Variants in ANGPTL3 observed in about 807,000 individuals in gnomAD.
The protein encoded by ANGPTL3 is angiopoietin-related protein 3.
In ANGPTL3, 51 loss-of-function variants were observed where a neutral mutation model predicts 52.7. The observed-to-expected ratio is 0.97, with a 90% CI of 0.77 to 1.22. The LOEUF is 1.22. Among genes scored for constraint, ANGPTL3 ranks in the 50% most tolerant of loss-of-function variants. The pLI is 0.00. For synonymous variants in ANGPTL3, 185 were observed against 179.8 expected, an observed-to-expected ratio of 1.03 and a Z score of -0.23; for missense variants, 506 against 520.7, an observed-to-expected ratio of 0.97 and a Z score of 0.27.
At chr1:62,602,566 GA>G (rs1650310135) in intron 5 of ANGPTL3, among the ~76,000 whole-genome samples, 186 bp downstream of exon 5, 1 of 151,542 alleles carries the variant, frequency 6.6e-6, no homozygotes, top group African/African-American at 2.4e-5. Context: ...GTTATTATTT[GA>G]ATTATATTTA....
chr1:62,604,266 T>G (rs774559028), intron 6 of ANGPTL3, 31 bp downstream of exon 6: 7 of 1,609,200 alleles, frequency 4.3e-6, no homozygotes, highest in Non-Finnish European at 6.0e-6. Context: ...TACTTTATTT[T>G]CATATCTTCA....
At chr1:62,604,359 A>C (rs1650630716) in intron 6 of ANGPTL3, 124 bp downstream of exon 6, 1 of 1,201,540 alleles carries the variant, frequency 8.3e-7, no homozygotes, top group Non-Finnish European at 1.2e-6. Flanking sequence ...TTCTCTCTAG[A>C]CGAAAACCTC....
chr1:62,600,363 A>G (rs1649927175), intron 2 of ANGPTL3, among the ~76,000 whole-genome samples: 2 of 151,814 alleles, frequency 1.3e-5, no homozygotes, highest in South Asian at 4.1e-4. Context: ...AATACCCAGC[A>G]AGCAAACTTT....
At chr1:62,598,214 A>G (rs1649579380) in intron 1 of ANGPTL3, among the ~76,000 whole-genome samples, 153 bp downstream of exon 1, 1 of 152,048 alleles carries the variant, frequency 6.6e-6, no homozygotes, top group Admixed American at 6.6e-5. Flanking sequence ...AAAATTTCCT[A>G]TTATAATTTC....
rs1040055228 is a variant in ANGPTL3, at chr1:62,600,342, T to C, written c.607-740T>C. On this transcript the variant is annotated intron_variant, in intron 2 of 6. Transcript: ENST00000371129. ...ACTTTAAGATCACATAGTTACTTAGTAGAAAAGAGTAATACCCAGCAAGCA... is the reference window on the plus strand; with the variant it reads ...ACTTTAAGATCACATAGTTACTTAGCAGAAAAGAGTAATACCCAGCAAGCA... Among the ~76,000 whole-genome samples, 6 of 151,866 alleles carry C rather than the reference T, an allele frequency of 4.0e-5. No individual in the cohort carries two copies. In the Middle Eastern group the frequency reaches 0.01, roughly 258 times the overall value.
chr1:62,604,085 T>C lies in ANGPTL3; in HGVS notation c.1048T>C (p.Tyr350His), dbSNP rs1397777979. ...CAAACATTATATTGAATATTCTTTT[T>C]ACTTGGGAAATCACGAAACCAACTA... ...DNKHYIEYSF[Y>H]LGNHETNYTL... Residue 350 changes from tyrosine (Y) to histidine (H), a missense_variant, in exon 6 of 7, where the codon TAC (tyrosine) becomes CAC (histidine). Physicochemically the swap from Tyr to His is moderately conservative, Grantham distance 83. Transcript: ENST00000371129. 1.2e-6 allele frequency: 2 copies of C among 1,613,388 alleles called. No homozygotes were observed. The highest frequency in any genetic ancestry group is 1.1e-5 in the South Asian group (1 of 91,064).
chr1:62,599,442 A>G (rs1313103002), intron 2 of ANGPTL3, among the ~76,000 whole-genome samples: 1 of 152,040 alleles, frequency 6.6e-6, no homozygotes, highest in East Asian at 1.9e-4. Context: ...TCACTTAACC[A>G]AAAATCACAA....
At position 62,605,865 on chromosome 1, in the gene ANGPTL3, T is replaced by C. The variant is rs1571742055; in HGVS notation, c.*1048T>C. On this transcript the variant is annotated 3_prime_UTR_variant, in exon 7 of 7. Transcript: ENST00000371129. ...AATCCCTAAATCCCTAAAGATTAGA[T>C]ACAAATTTTTTACCACAGTATCACT... 6.6e-6 allele frequency: 1 copy of C among 152,042 alleles called. No individual in the cohort carries two copies. The highest frequency in any genetic ancestry group is 2.1e-4 in the South Asian group (1 of 4,832). The allele number at this position is 152,042 out of a possible 1,614,324, so 9.4% of individuals were successfully genotyped here.
Position 62,598,728 on chromosome 1 carries a change from A to T in ANGPTL3, c.528A>T (p.Lys176Asn), listed in dbSNP as rs79797079. 88 of 1,611,276 alleles carry T rather than the reference A, an allele frequency of 5.5e-5. No homozygotes were observed. In the East Asian group the frequency reaches 2.0e-3, roughly 36 times the overall value. Residue 176 changes from lysine to asparagine, a missense_variant, in exon 2 of 7, where the codon AAA becomes AAT. Coordinates refer to ENST00000371129, the MANE Select transcript of ANGPTL3 (RefSeq NM_014495.4). ...TAGAAAAACAAGATAATAGCATCAA[A>T]GACCTTCTCCAGACCGTGGAAGACC... ...TFVEKQDNSI[K>N]DLLQTVEDQY...
intron 6 of ANGPTL3, 151 bp from the exon 7 acceptor site, chr1:62,604,482 T>TTGGGACTTATACAGATTATTTAAAAC: frequency 2.1e-6 from 2 of 931,732 alleles, no homozygotes; most frequent in Non-Finnish European, 3.2e-6. Flanking sequence ...TTATTTAAAA[T>TTGGGACTTATACAGATTATTTAAAAC]TGGGACTTAT....
In ANGPTL3 at chr1:62,597,792, A is replaced by T; in HGVS notation, c.226A>T (p.Asn76Tyr). ...GQINDIFQKL[N>Y]IFDQSFYDLS... is the part of the protein sequence containing the mutation. ...AATTAATGACATATTTCAAAAACTC[A>T]ACATATTTGATCAGTCTTTTTATGA... is the stretch of plus-strand genomic sequence containing the variant. The change falls in exon 1 of 7, where the codon AAC becomes TAC. Residue 76 changes from asparagine to tyrosine, a missense_variant. Physicochemically the swap from Asn to Tyr is moderately radical, Grantham distance 143. Coordinates refer to ENST00000371129, the MANE Select transcript of ANGPTL3 (RefSeq NM_014495.4). 6.2e-7 allele frequency: 1 copy of T among 1,613,530 alleles called. No homozygotes were observed. Among genetic ancestry groups the T allele is most frequent in the South Asian group, 1.1e-5 (1 of 91,054 alleles).
At position 62,597,815 on chromosome 1, in the gene ANGPTL3, T is replaced by A. The variant is rs920003542; in HGVS notation, c.249T>A (p.Tyr83Ter). 6.2e-7 allele frequency: 1 copy of A among 1,613,188 alleles called. No individual in the cohort carries two copies. The highest frequency in any genetic ancestry group is 8.5e-7 in the Non-Finnish European group (1 of 1,179,508). The change falls in exon 1 of 7, where the codon TAT (tyrosine) becomes TAA (stop). Residue 83 changes from tyrosine (Y) to a stop codon, truncating the protein, a stop_gained. Transcript: ENST00000371129. LOFTEE classifies it high-confidence loss of function. ...TCAACATATTTGATCAGTCTTTTTA[T>A]GATCTATCGCTGCAAACCAGTGAAA... ...QKLNIFDQSFYDLSLQTSEIK... is the reference protein window; with the variant it reads ...QKLNIFDQSF
Position 62,597,982 on chromosome 1 carries a change from A to C in ANGPTL3, c.416A>C (p.Lys139Thr), listed in dbSNP as rs1296392792. ...EEKILLQQKV[K>T]YLEEQLTNLI... Reference sequence around the variant, plus strand: ...AAAATTCTACTTCAACAAAAAGTGAAATATTTAGAAGAGCAACTAACTAAC... The same window carrying C: ...AAAATTCTACTTCAACAAAAAGTGACATATTTAGAAGAGCAACTAACTAAC... Residue 139 changes from lysine to threonine, a missense_variant, in exon 1 of 7, where the codon AAA becomes ACA. Physicochemically the swap from Lys to Thr is moderately conservative, Grantham distance 78 (BLOSUM62 -1). Coordinates refer to ENST00000371129, the MANE Select transcript of ANGPTL3 (RefSeq NM_014495.4). 6.4e-7 allele frequency: 1 copy of C among 1,561,708 alleles called. No individual in the cohort carries two copies. The highest frequency in any genetic ancestry group is 1.2e-5 in the South Asian group (1 of 81,134).
At chr1:62,598,675 C>A (rs746161031) in intron 1 of ANGPTL3, 21 bp from the exon 2 acceptor site, 7 of 1,407,378 alleles carry the variant, frequency 5.0e-6, no homozygotes, top group Non-Finnish European at 6.0e-6. Context: ...AACTTATAAC[C>A]AACCTACTCT....
intron 5 of ANGPTL3, 125 bp downstream of exon 5, chr1:62,602,505 TTTA>T: frequency 2.6e-6 from 2 of 781,584 alleles, no homozygotes. Flanking sequence ...CTTCATATAA[TTTA>T]TTATCAAACA....
rs1649663588 is a variant in ANGPTL3, at chr1:62,598,730, A to G, written c.530A>G (p.Asp177Gly). ...GAAAAACAAGATAATAGCATCAAAG[A>G]CCTTCTCCAGACCGTGGAAGACCAA... ...FVEKQDNSIK[D>G]LLQTVEDQYK... The change falls in exon 2 of 7, where the codon GAC (aspartate) becomes GGC (glycine). Residue 177 changes from aspartate to glycine, a missense_variant. By Grantham distance (94) the Asp-to-Gly change is moderately conservative. Coordinates refer to ENST00000371129, the MANE Select transcript of ANGPTL3 (RefSeq NM_014495.4). 1 of 1,611,188 alleles carries G rather than the reference A, an allele frequency of 6.2e-7. No individual in the cohort carries two copies. Among genetic ancestry groups the G allele is most frequent in the Admixed American group, 1.7e-5 (1 of 59,874 alleles).
chr1:62,604,519 G>C, intron 6 of ANGPTL3, 114 bp from the exon 7 acceptor site: 1 of 1,105,808 alleles, frequency 9.0e-7, no homozygotes, highest in South Asian at 1.4e-5. Context: ...TGGGATACAT[G>C]CATCTAAAAC....
intron 5 of ANGPTL3, 53 bp downstream of exon 5, chr1:62,602,433 C>A: frequency 6.7e-7 from 1 of 1,488,462 alleles, no homozygotes; most frequent in East Asian, 2.3e-5. Context: ...CAAATATTTA[C>A]TGAGAACCTC....
At position 62,597,903 on chromosome 1, in the gene ANGPTL3, G is replaced by C; in HGVS notation, c.337G>C (p.Val113Leu). ...TYKLQVKNEE[V>L]KNMSLELNSK... ...TAAACTACAAGTCAAAAATGAAGAG[G>C]TAAAGAATATGTCACTTGAACTCAA... The change falls in exon 1 of 7, where the codon GTA (valine) becomes CTA (leucine). Residue 113 changes from valine to leucine, a missense_variant. Val to Leu is a conservative substitution (Grantham distance 32, BLOSUM62 1). Transcript: ENST00000371129. The C allele has an allele frequency of 6.4e-7, 1 of 1,567,136 alleles. No homozygotes were observed. Among genetic ancestry groups the C allele is most frequent in the Non-Finnish European group, 8.6e-7 (1 of 1,162,432 alleles).
Sources: gnomAD v4.1 joint callset for allele counts (sites outside exome capture counted in the v4.1 genomes callset) on GRCh38, gnomAD v4.1.1 for gene constraint, MANE v1.5 for transcripts, NCBI Gene and HGNC (gene_info 2026-07-23, HGNC 2026-07-21) for gene names.